Variants in AK3 observed in about 807,000 individuals in gnomAD.
AK3 encodes the protein adenylate kinase 3.
Under a neutral mutation model 23.7 loss-of-function variants are expected in AK3, and 27 were observed. The ratio of observed to expected loss-of-function variants is 1.14; its 90% CI spans 0.84 to 1.57. AK3 has a LOEUF of 1.57. AK3 is among the 40% of genes most tolerant of loss of function. The pLI is 0.00. For missense variants in AK3, 406 were observed against 285.6 expected (o/e 1.42, Z -3.04); for synonymous variants, 159 against 116.0 (o/e 1.37, Z -2.38).
intron 1 of AK3, among the ~76,000 whole-genome samples, chr9:4,727,881 G>C (rs1025074096): frequency 1.3e-5 from 2 of 152,138 alleles, no homozygotes; most frequent in African/African-American, 4.8e-5. Context: ...AGGGTTATTA[G>C]TTGGCCTAAT....
intron 1 of AK3, among the ~76,000 whole-genome samples, chr9:4,730,735 G>C (rs1376789443): frequency 6.6e-6 from 1 of 152,064 alleles, no homozygotes; most frequent in Admixed American, 6.5e-5. Flanking sequence ...GATTTAATTA[G>C]AACAAGACAG....
intron 1 of AK3, among the ~76,000 whole-genome samples, chr9:4,740,385 G>T (rs1260263148): frequency 1.3e-5 from 2 of 152,070 alleles, no homozygotes; most frequent in African/African-American, 4.8e-5. Context: ...GAAATCTAAG[G>T]ATATCAAAAT....
At chr9:4,730,358 T>A (rs385952) in intron 1 of AK3, among the ~76,000 whole-genome samples, 12,700 of 152,218 alleles carry the variant, frequency 0.083, 624 homozygotes, top group African/African-American at 0.13. Context: ...CAGATTTTGT[T>A]TTTTAAAAAA....
Position 4,731,370 on chromosome 9 carries a change from T to C in AK3, c.152-8745A>G, listed in dbSNP as rs137977898. Among the ~76,000 whole-genome samples the C allele has an allele frequency of 1.8e-3, 275 of 152,260 alleles. 5 individuals carry two copies. In the East Asian group the frequency reaches 0.042, roughly 23 times the overall value. Reference sequence around the variant, plus strand: ...CACTTATAAGTGAGAACATGAGGTATTTGGTTTTCTTTTCCTGCGTTAGTT... The same window carrying C: ...CACTTATAAGTGAGAACATGAGGTACTTGGTTTTCTTTTCCTGCGTTAGTT... On this transcript the variant is annotated intron_variant, in intron 1 of 4. Transcript: ENST00000381809.
chr9:4,729,318 AT>A (rs1842100525), intron 1 of AK3, among the ~76,000 whole-genome samples: 1 of 152,016 alleles, frequency 6.6e-6, no homozygotes, highest in Admixed American at 6.6e-5. Flanking sequence ...CTTAAATAAA[AT>A]TTTTTAAATT....
At chr9:4,721,111 AAGG>A (rs1233412884) in intron 2 of AK3, among the ~76,000 whole-genome samples, 1 of 152,228 alleles carries the variant, frequency 6.6e-6, no homozygotes, top group Non-Finnish European at 1.5e-5. Context: ...TTGTTTTAAA[AAGG>A]AGAAGATGCC....
At chr9:4,728,358 G>C (rs573482097) in intron 1 of AK3, among the ~76,000 whole-genome samples, 1 of 152,280 alleles carries the variant, frequency 6.6e-6, no homozygotes, top group Admixed American at 6.5e-5. Context: ...ATCACTTGAG[G>C]TCAGGAGTTC....
chr9:4,718,309 T>G (rs1369308469), intron 4 of AK3, 110 bp downstream of exon 4: 3 of 794,364 alleles, frequency 3.8e-6, no homozygotes, highest in East Asian at 2.5e-5. Context: ...CTTAAGCCCA[T>G]GTGAACTGGG....
At chr9:4,732,310 T>C (rs1842173411) in intron 1 of AK3, among the ~76,000 whole-genome samples, 1 of 152,160 alleles carries the variant, frequency 6.6e-6, no homozygotes, top group African/African-American at 2.4e-5. Context: ...CAGTATACAA[T>C]ACATATATCA....
At chr9:4,734,634 C>T (rs1297295158) in intron 1 of AK3, among the ~76,000 whole-genome samples, 1 of 152,182 alleles carries the variant, frequency 6.6e-6, no homozygotes, top group Non-Finnish European at 1.5e-5. Flanking sequence ...TAGCAAAAGC[C>T]TACTTTCTTT....
intron 1 of AK3, among the ~76,000 whole-genome samples, chr9:4,730,831 T>C (rs1051271786): frequency 1.3e-5 from 2 of 152,254 alleles, no homozygotes; most frequent in Non-Finnish European, 2.9e-5. Flanking sequence ...TTTTGTTTTA[T>C]GTGTTAAATA....
chr9:4,715,571 TTA>T (rs1475925427), intron 4 of AK3, among the ~76,000 whole-genome samples: 1 of 151,936 alleles, frequency 6.6e-6, no homozygotes, highest in Non-Finnish European at 1.5e-5. Flanking sequence ...ATATTTTTTT[TTA>T]TGTTTTGTAG....
intron 1 of AK3, among the ~76,000 whole-genome samples, chr9:4,729,435 G>A (rs1731115343): frequency 1.3e-5 from 2 of 152,246 alleles, no homozygotes; most frequent in Non-Finnish European, 2.9e-5. Context: ...TCGCGCCACT[G>A]TACTCCAGCC....
At chr9:4,721,740 T>A (rs1841902382) in intron 2 of AK3, among the ~76,000 whole-genome samples, 1 of 152,230 alleles carries the variant, frequency 6.6e-6, no homozygotes, top group African/African-American at 2.4e-5. Flanking sequence ...ATTAAAGGCG[T>A]GAGCCACTGC....
At chr9:4,728,862 T>TACACACACACAC (rs1315242329) in intron 1 of AK3, among the ~76,000 whole-genome samples, 20 of 71,470 alleles carry the variant, frequency 2.8e-4, no homozygotes, top group African/African-American at 8.0e-4. Flanking sequence ...TATATATATA[T>TACACACACACAC]ATATACACAC....
chr9:4,739,364 T>C (rs561418964), intron 1 of AK3, among the ~76,000 whole-genome samples: 4 of 151,724 alleles, frequency 2.6e-5, no homozygotes, highest in East Asian at 3.9e-4. Context: ...CTAATTGTTT[T>C]TGAATTTTTT....
At chr9:4,733,565 C>T (rs1842202766) in intron 1 of AK3, among the ~76,000 whole-genome samples, 1 of 152,174 alleles carries the variant, frequency 6.6e-6, no homozygotes, top group South Asian at 2.1e-4. Context: ...TGAAAACCTC[C>T]CTTGACCATT....
rs750035551 is a variant in AK3, at chr9:4,719,209, G to C, written c.370C>G (p.Arg124Gly). The C allele has an allele frequency of 7.4e-6, 12 of 1,611,762 alleles. No homozygotes were observed. Among genetic ancestry groups the C allele is most frequent in the Non-Finnish European group, 9.3e-6 (11 of 1,179,844 alleles). Residue 124 changes from arginine (R) to glycine (G), a missense_variant, in exon 3 of 5, where the codon CGC becomes GGC. Arg to Gly is a moderately radical substitution (Grantham distance 125, BLOSUM62 -2). Coordinates refer to ENST00000381809, the MANE Select transcript of AK3 (RefSeq NM_016282.4). ...GGATGAATCCAGCGAGCAGTAAGGC[G>C]TTGTTTAATGACCTCAAAGGGCACA... ...LNVPFEVIKQRLTARWIHPAS... is the reference protein window; with the variant it reads ...LNVPFEVIKQGLTARWIHPAS...
At chr9:4,738,815 A>T (rs1842357111) in intron 1 of AK3, among the ~76,000 whole-genome samples, 1 of 127,322 alleles carries the variant, frequency 7.9e-6, no homozygotes, top group South Asian at 2.4e-4. Flanking sequence ...TCTGTCACCC[A>T]GCTTGGAGTG....
Sources: allele counts gnomAD v4.1 joint callset (sites outside exome capture counted in the v4.1 genomes callset), GRCh38; gene constraint gnomAD v4.1.1; transcripts MANE v1.5; gene names NCBI Gene and HGNC (gene_info 2026-07-23, HGNC 2026-07-21).